RTN1: variants seen among roughly 807,000 people sequenced by gnomAD.
The protein encoded by RTN1 is reticulon-1.
RTN1 carries 25 observed loss-of-function variants against 65.5 expected under a neutral mutation model. The observed-to-expected ratio is 0.38, with a 90% CI of 0.28 to 0.53. The LOEUF is 0.53. RTN1 is among the 20% of genes least tolerant of loss of function. The probability of loss-of-function intolerance (pLI) is 0.79; values close to 1 mark genes in which losing one functional copy is unlikely to be tolerated. For synonymous variants in RTN1, 471 were observed against 447.6 expected, an observed-to-expected ratio of 1.05 and a Z score of -0.66; for missense variants, 983 against 1,025.4, an observed-to-expected ratio of 0.96 and a Z score of 0.57.
intron 1 of RTN1, among the ~76,000 whole-genome samples, chr14:59,812,222 G>A (rs1676088625): frequency 6.6e-6 from 1 of 152,064 alleles, no homozygotes; most frequent in Admixed American, 6.5e-5. Flanking sequence ...ACCACCCTAA[G>A]CAAAATTACC....
At chr14:59,787,537 C>A (rs780435056) in intron 1 of RTN1, among the ~76,000 whole-genome samples, 1 of 152,198 alleles carries the variant, frequency 6.6e-6, no homozygotes, top group Non-Finnish European at 1.5e-5. Flanking sequence ...GAAGTGCAGG[C>A]CTGATCTCTG....
At chr14:59,662,070 G>A (rs553282080) in intron 3 of RTN1, among the ~76,000 whole-genome samples, 1 of 151,954 alleles carries the variant, frequency 6.6e-6, no homozygotes, top group African/African-American at 2.4e-5. Context: ...TAAAATCTCA[G>A]GATACAAAAT....
At chr14:59,756,029 A>G (rs1885630407) in intron 1 of RTN1, among the ~76,000 whole-genome samples, 1 of 152,212 alleles carries the variant, frequency 6.6e-6, no homozygotes, top group Non-Finnish European at 1.5e-5. Flanking sequence ...AAGAGCCAAG[A>G]TTCCCATTGC....
At chr14:59,646,477 T>C (rs1211361565) in intron 3 of RTN1, among the ~76,000 whole-genome samples, 1 of 151,978 alleles carries the variant, frequency 6.6e-6, no homozygotes, top group Non-Finnish European at 1.5e-5. Context: ...TGCAAGATTC[T>C]CCATAAGAAT....
At chr14:59,628,703 T>G (rs1848572817) in intron 3 of RTN1, among the ~76,000 whole-genome samples, 1 of 152,238 alleles carries the variant, frequency 6.6e-6, no homozygotes, top group Non-Finnish European at 1.5e-5. Flanking sequence ...TTGTCTTCAA[T>G]GGCGAAACTA....
At chr14:59,821,361 T>C (rs1051476314) in intron 1 of RTN1, among the ~76,000 whole-genome samples, 2 of 152,192 alleles carry the variant, frequency 1.3e-5, no homozygotes, top group African/African-American at 4.8e-5. Context: ...ACGTTGTTTC[T>C]AGTTTGTATC....
At chr14:59,694,498 A>ACAATATATT (rs1884023994) in intron 3 of RTN1, among the ~76,000 whole-genome samples, 1 of 152,242 alleles carries the variant, frequency 6.6e-6, no homozygotes, top group East Asian at 1.9e-4. Context: ...ACAAAGCATA[A>ACAATATATT]TTAAATATCG....
rs775213857 is a variant in RTN1, at chr14:59,774,727, C to T, written c.242-28246G>A. Among the ~76,000 whole-genome samples the T allele has an allele frequency of 2.0e-5, 3 of 152,130 alleles. No homozygotes were observed. Among genetic ancestry groups the T allele is most frequent in the Non-Finnish European group, 4.4e-5 (3 of 68,018 alleles). ...GGATAAATCTAGTCCCAATAAGTCA[C>T]CACTACTACAGTTGAGACTGAGGAG... On this transcript the variant is annotated intron_variant, in intron 1 of 8. Coordinates refer to ENST00000267484, the MANE Select transcript of RTN1 (RefSeq NM_021136.3). The surrounding 1 kb of genome is among the most constrained non-coding windows in gnomAD (Gnocchi z 5.1).
chr14:59,758,995 G>T (rs1027529822), intron 1 of RTN1, among the ~76,000 whole-genome samples: 18 of 152,168 alleles, frequency 1.2e-4, no homozygotes, highest in Non-Finnish European at 1.0e-4. Flanking sequence ...GGAAGTTCAG[G>T]TGCCCTTGGA....
intron 1 of RTN1, among the ~76,000 whole-genome samples, chr14:59,837,720 G>C (rs946158531): frequency 6.6e-6 from 1 of 150,908 alleles, no homozygotes; most frequent in Non-Finnish European, 1.5e-5. Context: ...CCATCAAATT[G>C]ATAAAAATTA....
intron 3 of RTN1, among the ~76,000 whole-genome samples, chr14:59,636,772 A>G (rs1264242701): frequency 6.6e-6 from 1 of 152,234 alleles, no homozygotes; most frequent in African/African-American, 2.4e-5. Context: ...CATAAAAGTA[A>G]TGTTTACACT....
intron 1 of RTN1, among the ~76,000 whole-genome samples, chr14:59,782,488 T>G (rs971162170): frequency 1.4e-4 from 21 of 152,218 alleles, no homozygotes; most frequent in African/African-American, 5.1e-4. Context: ...GATAGTGCAC[T>G]TTTCCCCTGG....
chr14:59,705,089 C>T (rs1184968723), intron 3 of RTN1, among the ~76,000 whole-genome samples: 3 of 152,170 alleles, frequency 2.0e-5, no homozygotes, highest in Admixed American at 1.3e-4. Context: ...ATCGAAAGCA[C>T]TTTTGAGGGT....
chr14:59,756,808 A>C (rs1005421606), intron 1 of RTN1, among the ~76,000 whole-genome samples: 137 of 87,914 alleles, frequency 1.6e-3, no homozygotes, highest in Middle Eastern at 6.4e-3. Flanking sequence ...TTTGCTCCCC[A>C]CCCCCGACAC....
At chr14:59,845,450 A>T (rs1887391284) in intron 1 of RTN1, among the ~76,000 whole-genome samples, 1 of 152,008 alleles carries the variant, frequency 6.6e-6, no homozygotes, top group Non-Finnish European at 1.5e-5. Flanking sequence ...GTATTTCCCA[A>T]TCCCTCTTGC....
intron 1 of RTN1, among the ~76,000 whole-genome samples, chr14:59,852,279 T>C (rs947184378): frequency 6.6e-6 from 1 of 152,228 alleles, no homozygotes; most frequent in Non-Finnish European, 1.5e-5. Flanking sequence ...TTTGATGGTA[T>C]GTTCATATAT....
At chr14:59,754,330 A>G (rs1008846969) in intron 1 of RTN1, among the ~76,000 whole-genome samples, 1 of 152,356 alleles carries the variant, frequency 6.6e-6, no homozygotes, top group Non-Finnish European at 1.5e-5. Flanking sequence ...TTCTCTGGCA[A>G]CACTAAGGGA....
intron 3 of RTN1, among the ~76,000 whole-genome samples, chr14:59,608,213 G>A (rs1002422212): frequency 6.6e-6 from 1 of 151,862 alleles, no homozygotes; most frequent in Non-Finnish European, 1.5e-5. Flanking sequence ...CCCTCCAACT[G>A]GGTATGTGAC....
intron 3 of RTN1, among the ~76,000 whole-genome samples, chr14:59,686,278 G>A (rs1416568864): frequency 6.6e-6 from 1 of 152,028 alleles, no homozygotes; most frequent in Non-Finnish European, 1.5e-5. Flanking sequence ...TTTTGGATAT[G>A]ACCTCAAAAG....
Sources: gnomAD v4.1 joint callset for allele counts (sites outside exome capture counted in the v4.1 genomes callset) on GRCh38, gnomAD v4.1.1 for gene constraint, Gnocchi (gnomAD v3.1) non-coding constraint, MANE v1.5 for transcripts, NCBI Gene and HGNC (gene_info 2026-07-23, HGNC 2026-07-21) for gene names.